ENTPD8: variants seen among roughly 807,000 people sequenced by gnomAD.
ENTPD8 encodes the protein E-NTPDase 8.
ENTPD8 carries 35 observed loss-of-function variants against 47.0 expected under a neutral mutation model. The ratio of observed to expected loss-of-function variants is 0.75; its 90% CI spans 0.57 to 0.99. The LOEUF is 0.99. Ranked by LOEUF, ENTPD8 falls within the 50% of genes least tolerant of loss-of-function variation. ENTPD8 has a pLI of 0.00. For missense variants in ENTPD8, 668 were observed against 649.9 expected (o/e 1.03, Z -0.30); for synonymous variants, 308 against 290.5 (o/e 1.06, Z -0.61).
chr9:137,434,522 G>A lies in ENTPD8; in HGVS notation c.*392C>T. 1 of 831,000 alleles carries A rather than the reference G, an allele frequency of 1.2e-6. No homozygotes were observed. Among genetic ancestry groups the A allele is most frequent in the African/African-American group, 1.7e-5 (1 of 58,206 alleles). 51.5% of individuals were successfully genotyped at this position (831,000 alleles called of 1,614,324 possible). A position where few individuals can be genotyped will look rare whatever the true frequency, so the allele number is the denominator to read the frequency against. ...GGAGAGCGGGGGTCCAGGTGGGGCAGCTCCCTCCCTTCCACCCCTCTCCGC... is the reference window on the plus strand; with the variant it reads ...GGAGAGCGGGGGTCCAGGTGGGGCAACTCCCTCCCTTCCACCCCTCTCCGC... On this transcript the variant is annotated 3_prime_UTR_variant, in exon 10 of 10. Transcript: ENST00000371506.
At chr9:137,437,050 C>G in intron 4 of ENTPD8, 22 bp from the exon 5 acceptor site, 1 of 1,607,462 alleles carries the variant, frequency 6.2e-7, no homozygotes, top group South Asian at 1.1e-5. Flanking sequence ...GGACCAGGGG[C>G]TGGAGCTGGC....
Position 137,436,201 on chromosome 9 carries a change from A to ACAGC in ENTPD8, c.858_861dup (p.Tyr288AlafsTer3). ...GTGGCGTGGACACAGGGTGACTCATACAGCGGGCCCAGGGCCAGTGTGGTC... is the reference window on the plus strand; with the variant it reads ...GTGGCGTGGACACAGGGTGACTCATACAGCCAGCGGGCCCAGGGCCAGTGTGGTC... On this transcript the variant is annotated frameshift_variant, in exon 7 of 10. Coordinates refer to ENST00000371506, the MANE Select transcript of ENTPD8 (RefSeq NM_001033113.2). LOFTEE classifies it high-confidence loss of function. 1 of 1,612,532 alleles carries ACAGC rather than the reference A, an allele frequency of 6.2e-7. No individual in the cohort carries two copies. Among genetic ancestry groups the ACAGC allele is most frequent in the Non-Finnish European group, 8.5e-7 (1 of 1,179,778 alleles).
rs1451365970 is a variant in ENTPD8 at position 137,435,699 on chromosome 9, G to A, written c.1161+20C>T. ...CCTCAGGGACCCTCGCTGCAGCCAG[G>A]GAGCCCAGGGCCCACCCACCAGTTT... On this transcript the variant is annotated intron_variant, in intron 8 of 9. Coordinates refer to ENST00000371506, the MANE Select transcript of ENTPD8 (RefSeq NM_001033113.2). The A allele has an allele frequency of 6.2e-7, 1 of 1,601,582 alleles. No individual in the cohort carries two copies. The highest frequency in any genetic ancestry group is 1.7e-5 in the Admixed American group (1 of 59,992).
Position 137,438,235 on chromosome 9 carries a change from C to G in ENTPD8, c.51G>C (p.Ser17=), listed in dbSNP as rs765558030. The change falls in exon 2 of 10, where the codon TCG becomes TCC. Residue 17 remains serine, a synonymous_variant. Coordinates refer to ENST00000371506, the MANE Select transcript of ENTPD8 (RefSeq NM_001033113.2). The surrounding 1 kb of genome is among the most constrained non-coding windows in gnomAD (Gnocchi z 5.7). ...EQVFLALLGA[S]GVSGLTALIL... ...TGAGTGCCGTGAGGCCTGAGACCCC[C>G]GAGGCCCCCAGCAGGGCCAAGAAGA... is the stretch of plus-strand genomic sequence containing the variant. 4 of 1,601,620 alleles carry G rather than the reference C, an allele frequency of 2.5e-6. No individual in the cohort carries two copies. Among genetic ancestry groups the G allele is most frequent in the Non-Finnish European group, 3.4e-6 (4 of 1,174,648 alleles).
chr9:137,436,954 A>G lies in ENTPD8; in HGVS notation c.470T>C (p.Phe157Ser). ...TQVLGRSPVD[F>S]WGAELLAGQA... ...CCCGGCCAGGAGCTCGGCACCCCAAAAGTCCACGGGAGACCGGCCCAGGAC... is the reference window on the plus strand; with the variant it reads ...CCCGGCCAGGAGCTCGGCACCCCAAGAGTCCACGGGAGACCGGCCCAGGAC... Residue 157 changes from phenylalanine (F) to serine (S), a missense_variant, in exon 5 of 10, where the codon TTT (phenylalanine) becomes TCT (serine). Physicochemically the swap from Phe to Ser is radical, Grantham distance 155. Coordinates refer to ENST00000371506, the MANE Select transcript of ENTPD8 (RefSeq NM_001033113.2). The G allele has an allele frequency of 6.2e-7, 1 of 1,612,982 alleles. No homozygotes were observed. Among genetic ancestry groups the G allele is most frequent in the Non-Finnish European group, 8.5e-7 (1 of 1,179,952 alleles).
In ENTPD8 at chr9:137,436,706, C is replaced by G; in HGVS notation, c.601G>C (p.Val201Leu). The G allele has an allele frequency of 6.3e-7, 1 of 1,598,960 alleles. No homozygotes were observed. Among genetic ancestry groups the G allele is most frequent in the Non-Finnish European group, 8.5e-7 (1 of 1,173,048 alleles). Residue 201 changes from valine (V) to leucine (L), a missense_variant, in exon 6 of 10, where the codon GTG (valine) becomes CTG (leucine). Physicochemically the swap from Val to Leu is conservative, Grantham distance 32 (BLOSUM62 1). Transcript: ENST00000371506. ...EWIQPPEEML[V>L]GALDMGGAST... ...GCCCCTCCCATGTCCAGGGCACCCA[C>G]CAGCATCTCCTCCGGAGGCTGGATC...
In ENTPD8 at chr9:137,435,189, A is replaced by G; in HGVS notation, c.1296+15T>C. 1 of 1,608,436 alleles carries G rather than the reference A, an allele frequency of 6.2e-7. No individual in the cohort carries two copies. Among genetic ancestry groups the G allele is most frequent in the Non-Finnish European group, 8.5e-7 (1 of 1,178,352 alleles). Reference sequence around the variant, plus strand: ...CCACGCCCACGCCCCGCCCACGCCCAGGGGAGGCAGTCACCTGCTTTCGGA... The same window carrying G: ...CCACGCCCACGCCCCGCCCACGCCCGGGGGAGGCAGTCACCTGCTTTCGGA... On this transcript the variant is annotated intron_variant, in intron 9 of 9. Transcript: ENST00000371506.
chr9:137,440,105 C>A (rs1296832674), intron 1 of ENTPD8, among the ~76,000 whole-genome samples: 9 of 45,912 alleles, frequency 2.0e-4, no homozygotes, highest in African/African-American at 8.7e-4. Flanking sequence ...GGACAGCCCC[C>A]CAGACCAGGA....
chr9:137,438,191 G>T lies in ENTPD8; in HGVS notation c.95C>A (p.Ala32Asp), dbSNP rs1227622990. The T allele has an allele frequency of 1.9e-6, 3 of 1,608,342 alleles. No homozygotes were observed. In the African/African-American group the frequency reaches 4.0e-5, roughly 21 times the overall value. The change falls in exon 2 of 10, where the codon GCC (alanine) becomes GAC (aspartate). Residue 32 changes from alanine to aspartate, a missense_variant. By Grantham distance (126) the Ala-to-Asp change is moderately radical. Coordinates refer to ENST00000371506, the MANE Select transcript of ENTPD8 (RefSeq NM_001033113.2). The surrounding 1 kb of genome is among the most constrained non-coding windows in gnomAD (Gnocchi z 5.7). Reference sequence around the variant, plus strand: ...GTCTGTGGGCAGGAGCACGCTGGTGGCCTCCACCAGGAGGAGAATGAGTGC... The same window carrying T: ...GTCTGTGGGCAGGAGCACGCTGGTGTCCTCCACCAGGAGGAGAATGAGTGC... ...LTALILLLVE[A>D]TSVLLPTDIK...
intron 1 of ENTPD8, among the ~76,000 whole-genome samples, chr9:137,440,118 GC>G (rs1348311175): frequency 3.3e-5 from 1 of 29,980 alleles, no homozygotes; most frequent in Non-Finnish European, 5.7e-5. Context: ...GACCAGGACA[GC>G]CCCCCCAGAC....
In ENTPD8 at chr9:137,436,915, G is replaced by T. The variant is rs202059855; in HGVS notation, c.509C>A (p.Ala170Asp). The T allele has an allele frequency of 2.5e-6, 4 of 1,612,912 alleles. No homozygotes were observed. Among genetic ancestry groups the T allele is most frequent in the Admixed American group, 1.7e-5 (1 of 60,000 alleles). The change falls in exon 5 of 10, where the codon GCC becomes GAC. Residue 170 changes from alanine to aspartate, a missense_variant. Transcript: ENST00000371506. Reference protein sequence around the residue: ...AELLAGQAEGAFGWITVNYGL... With the variant: ...AELLAGQAEGDFGWITVNYGL... The stretch of plus-strand genomic sequence containing the variant: ...GTAGTTGACAGTGATCCAACCAAAG[G>T]CACCTTCGGCCTGCCCGGCCAGGAG...
intron 8 of ENTPD8, 71 bp from the exon 9 acceptor site, chr9:137,435,409 G>A (rs567378953): frequency 1.9e-6 from 3 of 1,544,842 alleles, no homozygotes; most frequent in South Asian, 2.4e-5. Flanking sequence ...CGCCCCATCT[G>A]TCCTGGCCAA....
chr9:137,437,852 C>T (rs1318854349), intron 3 of ENTPD8, 115 bp downstream of exon 3: 7 of 933,016 alleles, frequency 7.5e-6, no homozygotes, highest in East Asian at 4.8e-5. Context: ...CCATGCCCGG[C>T]GTGTGAGCTC....
chr9:137,438,050 G>C lies in ENTPD8; in HGVS notation c.161C>G (p.Thr54Arg), dbSNP rs61730140. 2.5e-6 allele frequency: 4 copies of C among 1,613,020 alleles called. No individual in the cohort carries two copies. Among genetic ancestry groups the C allele is most frequent in the East Asian group, 4.5e-5 (2 of 44,878 alleles). The change falls in exon 3 of 10, where the codon ACG becomes AGG. Residue 54 changes from threonine (T) to arginine (R), a missense_variant. Physicochemically the swap from Thr to Arg is moderately conservative, Grantham distance 71 (BLOSUM62 -1). Coordinates refer to ENST00000371506, the MANE Select transcript of ENTPD8 (RefSeq NM_001033113.2). The surrounding 1 kb of genome is among the most constrained non-coding windows in gnomAD (Gnocchi z 5.7). ...GIVFDAGSSH[T>R]SLFLYQWLAN... ...CAGCCACTGATACAGGAAGAGGGAC[G>C]TGTGGGAGGAGCCCGCATCAAACAC... is the stretch of plus-strand genomic sequence containing the variant.
chr9:137,436,024 C>T lies in ENTPD8; in HGVS notation c.1039G>A (p.Gly347Ser), dbSNP rs751901545. ...FDGVYQPPLR[G>S]QFYAFSNFYY... Reference sequence around the variant, plus strand: ...GTGTAGGTGCTCACATAGAACTGGCCCCGCAGCGGGGGCTGGTAGACCCCG... The same window carrying T: ...GTGTAGGTGCTCACATAGAACTGGCTCCGCAGCGGGGGCTGGTAGACCCCG... Residue 347 changes from glycine (G) to serine (S), a missense_variant, in exon 7 of 10, where the codon GGC becomes AGC. Gly to Ser is a moderately conservative substitution (Grantham distance 56, BLOSUM62 0). Coordinates refer to ENST00000371506, the MANE Select transcript of ENTPD8 (RefSeq NM_001033113.2). 8 of 1,612,762 alleles carry T rather than the reference C, an allele frequency of 5.0e-6. No individual in the cohort carries two copies. In the East Asian group the frequency reaches 6.7e-5, roughly 13 times the overall value.
In ENTPD8 at chr9:137,435,358, G is replaced by C. The variant is rs757590818; in HGVS notation, c.1162-20C>G. ...CTCCACCTGGGGCCCAGGAGACCAA[G>C]AGGCGAGGTGAGGGCCCCTGATCCC... On this transcript the variant is annotated intron_variant, in intron 8 of 9. Coordinates refer to ENST00000371506, the MANE Select transcript of ENTPD8 (RefSeq NM_001033113.2). 2 of 1,600,946 alleles carry C rather than the reference G, an allele frequency of 1.2e-6. No homozygotes were observed. Among genetic ancestry groups the C allele is most frequent in the Admixed American group, 1.7e-5 (1 of 58,822 alleles).
chr9:137,434,976 C>G lies in ENTPD8; in HGVS notation c.1426G>C (p.Val476Leu). The G allele has an allele frequency of 6.2e-7, 1 of 1,612,996 alleles. No homozygotes were observed. ...CCCACCACCGCCACCAGGGCCAGCA[C>G]CATGAACACCACTTTGGCCACCCAG... ...GVWVAKVVFMVLALVAVVGAA... is the reference protein window; with the variant it reads ...GVWVAKVVFMLLALVAVVGAA... Residue 476 changes from valine to leucine, a missense_variant, in exon 10 of 10, where the codon GTG (valine) becomes CTG (leucine). Val to Leu is a conservative substitution (Grantham distance 32). Coordinates refer to ENST00000371506, the MANE Select transcript of ENTPD8 (RefSeq NM_001033113.2).
At chr9:137,437,370 C>A (rs1400245716) in intron 3 of ENTPD8, 61 bp from the exon 4 acceptor site, 8 of 1,558,928 alleles carry the variant, frequency 5.1e-6, no homozygotes, top group Non-Finnish European at 6.9e-6. Flanking sequence ...TGAAAGGTAG[C>A]CCCCAAAGAC....
chr9:137,438,048 A>C lies in ENTPD8; in HGVS notation c.163T>G (p.Ser55Ala). The C allele has an allele frequency of 6.2e-7, 1 of 1,612,956 alleles. No homozygotes were observed. The highest frequency in any genetic ancestry group is 8.5e-7 in the Non-Finnish European group (1 of 1,179,862). Residue 55 changes from serine (S) to alanine (A), a missense_variant, in exon 3 of 10, where the codon TCC becomes GCC. Coordinates refer to ENST00000371506, the MANE Select transcript of ENTPD8 (RefSeq NM_001033113.2). This position sits in a 1 kb window ranked among gnomAD's most constrained non-coding sequence, Gnocchi z 5.7. ...IVFDAGSSHTSLFLYQWLANK... is the reference protein window; with the variant it reads ...IVFDAGSSHTALFLYQWLANK... The stretch of plus-strand genomic sequence containing the variant: ...GCCAGCCACTGATACAGGAAGAGGG[A>C]CGTGTGGGAGGAGCCCGCATCAAAC...
Sources: gnomAD v4.1 joint callset for allele counts (sites outside exome capture counted in the v4.1 genomes callset) on GRCh38, gnomAD v4.1.1 for gene constraint, Gnocchi (gnomAD v3.1) non-coding constraint, MANE v1.5 for transcripts, NCBI Gene and HGNC (gene_info 2026-07-23, HGNC 2026-07-21) for gene names.